MON2: variants seen among roughly 807,000 people sequenced by gnomAD.
The protein encoded by MON2 is MON2 regulator of endosome-to-Golgi trafficking.
A neutral mutation model predicts 208.6 loss-of-function variants in MON2; 84 were observed. That is an observed-to-expected ratio of 0.40 (90% CI 0.34 to 0.48). The LOEUF (loss-of-function observed/expected upper bound fraction) is 0.48, where lower values mean the gene tolerates loss of function less well. Among genes scored for constraint, MON2 ranks in the 20% least tolerant of loss-of-function variants. The pLI, the probability that MON2 is intolerant of heterozygous loss-of-function variation, is 0.59. For missense variants in MON2, 1,611 were observed against 2,015.4 expected (o/e 0.80, Z 3.84); for synonymous variants, 660 against 694.0 (o/e 0.95, Z 0.77).
chr12:62,529,530 T>C (rs537804603), intron 11 of MON2, among the ~76,000 whole-genome samples: 6 of 152,212 alleles, frequency 3.9e-5, no homozygotes, highest in Non-Finnish European at 7.3e-5. Context: ...GCTTTTTTAT[T>C]GTAATCTTTA....
intron 25 of MON2, 154 bp from the exon 26 acceptor site, chr12:62,560,337 C>T (rs2074150569): frequency 1.5e-6 from 1 of 682,874 alleles, no homozygotes; most frequent in East Asian, 2.8e-5. Context: ...AATTTTAATT[C>T]CCATTGTTAG....
intron 30 of MON2, among the ~76,000 whole-genome samples, chr12:62,577,850 C>T (rs1350261255): frequency 1.3e-5 from 2 of 152,148 alleles, no homozygotes; most frequent in African/African-American, 2.4e-5. Context: ...TTTTACTGTT[C>T]ACTCTTATGA....
chr12:62,501,693 T>G lies in MON2; in HGVS notation c.784T>G (p.Leu262Val). Residue 262 changes from leucine (L) to valine (V), a missense_variant, in exon 7 of 35, where the codon TTA becomes GTA. Coordinates refer to ENST00000393630, the MANE Select transcript of MON2 (RefSeq NM_015026.3). ...CCTCAATGATTTTCCGCAGGTCTTT[T>G]TACAAGTAAGCCATTTATAGTATCT... ...SVLNDFPQVF[L>V]QHQEFSFLLK... 1 of 1,614,144 alleles carries G rather than the reference T, an allele frequency of 6.2e-7. No homozygotes were observed. The highest frequency in any genetic ancestry group is 8.5e-7 in the Non-Finnish European group (1 of 1,179,972).
intron 34 of MON2, chr12:62,588,723 G>A: frequency 1.9e-6 from 1 of 513,832 alleles, no homozygotes; most frequent in Non-Finnish European, 3.3e-6. Context: ...AAATTGCAAA[G>A]AATACTCCAG....
intron 7 of MON2, among the ~76,000 whole-genome samples, chr12:62,504,744 C>G (rs1194704928): frequency 6.6e-6 from 1 of 152,066 alleles, no homozygotes; most frequent in Non-Finnish European, 1.5e-5. Flanking sequence ...AGTTTTATGC[C>G]AAGTATACAG....
intron 2 of MON2, 25 bp downstream of exon 2, chr12:62,484,258 A>G (rs1487347918): frequency 2.0e-6 from 3 of 1,469,800 alleles, no homozygotes; most frequent in Non-Finnish European, 2.8e-6. Flanking sequence ...TAAAAATTTA[A>G]TAATAAACAA....
At chr12:62,506,658 G>C (rs1256755641) in intron 7 of MON2, among the ~76,000 whole-genome samples, 2 of 151,858 alleles carry the variant, frequency 1.3e-5, no homozygotes, top group African/African-American at 4.8e-5. Flanking sequence ...CCTGGGAGGT[G>C]GAGGTTGCAG....
chr12:62,524,051 C>T (rs1296429945), intron 8 of MON2, among the ~76,000 whole-genome samples: 2 of 152,070 alleles, frequency 1.3e-5, no homozygotes, highest in African/African-American at 4.8e-5. Context: ...GCTATAGGTT[C>T]CTCCTTATTT....
At position 62,570,889 on chromosome 12, in the gene MON2, AC is replaced by A. The variant is rs373636205; in HGVS notation, c.4324-500del. On this transcript the variant is annotated intron_variant, in intron 29 of 34. Transcript: ENST00000393630. ...TGGGACTATAGGCACGTGCCACCAC[AC>A]CCAGCTCATTTTTGTATTTTTAGTA... Among the ~76,000 whole-genome samples the A allele has an allele frequency of 2.6e-3, 394 of 150,562 alleles. 4 individuals carry two copies. Among genetic ancestry groups the A allele is most frequent in the African/African-American group, 9.0e-3 (370 of 41,106 alleles).
intron 9 of MON2, 23 bp downstream of exon 9, chr12:62,524,662 T>C (rs1431176031): frequency 1.2e-6 from 2 of 1,607,022 alleles, no homozygotes; most frequent in South Asian, 1.1e-5. Flanking sequence ...CAATAGTTTG[T>C]TAAATAGATA....
At chr12:62,474,354 G>T (rs922652000) in intron 1 of MON2, among the ~76,000 whole-genome samples, 2 of 151,986 alleles carry the variant, frequency 1.3e-5, no homozygotes, top group African/African-American at 2.4e-5. Context: ...CTGACCTCAG[G>T]TGATCCGCCC....
At chr12:62,472,315 AG>A (rs570456270) in intron 1 of MON2, among the ~76,000 whole-genome samples, 75 of 152,346 alleles carry the variant, frequency 4.9e-4, no homozygotes, top group African/African-American at 1.8e-3. Context: ...CCAGCACTAG[AG>A]GATGATGAAG....
At chr12:62,552,169 G>A (rs1038968693) in intron 23 of MON2, among the ~76,000 whole-genome samples, 11 of 152,208 alleles carry the variant, frequency 7.2e-5, no homozygotes, top group Middle Eastern at 3.4e-3. Flanking sequence ...ACAGACTTGA[G>A]GATTTGTGGA....
chr12:62,588,236 T>A, intron 34 of MON2, 80 bp downstream of exon 34: 1 of 974,488 alleles, frequency 1.0e-6, no homozygotes, highest in Non-Finnish European at 1.6e-6. Context: ...TTAATTTAAC[T>A]GAATTATAGG....
chr12:62,501,716 T>A lies in MON2; in HGVS notation c.789+18T>A. On this transcript the variant is annotated intron_variant, in intron 7 of 34. Transcript: ENST00000393630. ...TTTTACAAGTAAGCCATTTATAGTA[T>A]CTTGTGACAAAGTTAATCTGAATTG... is the stretch of plus-strand genomic sequence containing the variant. The A allele has an allele frequency of 1.2e-6, 2 of 1,612,018 alleles. No individual in the cohort carries two copies. Among genetic ancestry groups the A allele is most frequent in the Non-Finnish European group, 1.7e-6 (2 of 1,178,658 alleles).
intron 2 of MON2, among the ~76,000 whole-genome samples, chr12:62,491,217 CA>C (rs2070116769): frequency 6.6e-6 from 1 of 152,112 alleles, no homozygotes; most frequent in African/African-American, 2.4e-5. Flanking sequence ...GCACCAGTAA[CA>C]AAACATGCAG....
intron 4 of MON2, 92 bp downstream of exon 4, chr12:62,495,239 A>G: frequency 2.7e-6 from 3 of 1,122,166 alleles, no homozygotes; most frequent in Non-Finnish European, 3.7e-6. Context: ...CATTTGAACC[A>G]AAAGCAACTT....
intron 19 of MON2, among the ~76,000 whole-genome samples, chr12:62,542,594 A>G (rs1187070256): frequency 6.6e-6 from 1 of 152,156 alleles, no homozygotes; most frequent in Non-Finnish European, 1.5e-5. Context: ...CTTTCTGATT[A>G]TTGATATGTC....
At chr12:62,482,662 T>C (rs1304202589) in intron 1 of MON2, 1 of 152,254 alleles carries the variant, frequency 6.6e-6, no homozygotes, top group Non-Finnish European at 1.5e-5. Flanking sequence ...GTCAATATTA[T>C]ATCTCAGCAC....
Sources: gnomAD v4.1 joint callset for allele counts (sites outside exome capture counted in the v4.1 genomes callset) on GRCh38, gnomAD v4.1.1 for gene constraint, MANE v1.5 for transcripts, NCBI Gene and HGNC (gene_info 2026-07-23, HGNC 2026-07-21) for gene names.